Variants in NAE1 observed in about 807,000 individuals in gnomAD.
NAE1 encodes the protein NEDD8-activating enzyme E1 regulatory subunit.
A neutral mutation model predicts 88.0 loss-of-function variants in NAE1; 59 were observed. That is an observed-to-expected ratio of 0.67 (90% CI 0.54 to 0.83). The LOEUF (loss-of-function observed/expected upper bound fraction) is 0.83, where lower values mean the gene tolerates loss of function less well. NAE1 is among the 40% of genes least tolerant of loss of function. NAE1 has a pLI of 0.00. For synonymous variants in NAE1, 186 were observed against 208.9 expected, an observed-to-expected ratio of 0.89 and a Z score of 0.95; for missense variants, 554 against 632.8, an observed-to-expected ratio of 0.88 and a Z score of 1.34.
chr16:66,823,682 A>G (rs1234243666), intron 4 of NAE1, 82 bp from the exon 5 acceptor site: 27 of 1,095,356 alleles, frequency 2.5e-5, no homozygotes, highest in Non-Finnish European at 3.4e-5. Flanking sequence ...ACAGGCAAAC[A>G]TACTGTAAAA....
At chr16:66,808,860 A>G in intron 16 of NAE1, 129 bp downstream of exon 16, 5 of 653,922 alleles carry the variant, frequency 7.6e-6, no homozygotes, top group Non-Finnish European at 1.2e-5. Context: ...ATAAGCTTAG[A>G]ATAAAATTAG....
chr16:66,812,861 C>T (rs1282772409), intron 13 of NAE1, among the ~76,000 whole-genome samples: 4 of 135,342 alleles, frequency 3.0e-5, no homozygotes, highest in East Asian at 2.2e-4. Context: ...CTCACTCTGT[C>T]GCCCAGGCTG....
At chr16:66,821,680 T>C in intron 6 of NAE1, 121 bp from the exon 7 acceptor site, 5 of 759,792 alleles carry the variant, frequency 6.6e-6, no homozygotes, top group Non-Finnish European at 9.7e-6. Context: ...GATGCAAAGG[T>C]ACATAACTGC....
intron 1 of NAE1, among the ~76,000 whole-genome samples, chr16:66,830,599 C>T (rs967700925): frequency 3.3e-5 from 5 of 152,218 alleles, no homozygotes; most frequent in African/African-American, 4.8e-5. Context: ...CTTAGCTACC[C>T]GGCTGGCGCT....
chr16:66,825,659 C>T (rs16957040), intron 3 of NAE1, among the ~76,000 whole-genome samples: 2,918 of 152,146 alleles, frequency 0.019, 59 homozygotes, highest in Admixed American at 0.052. Flanking sequence ...AGACCACTCT[C>T]GGTGTATTGA....
intron 4 of NAE1, 41 bp from the exon 5 acceptor site, chr16:66,823,641 T>C (rs1050893093): frequency 2.0e-6 from 3 of 1,526,558 alleles, no homozygotes; most frequent in Admixed American, 4.1e-5. Context: ...TAGAAAAAAC[T>C]TGGTCACAAT....
chr16:66,808,468 A>G (rs1959660084), intron 17 of NAE1, 53 bp downstream of exon 17: 1 of 1,200,082 alleles, frequency 8.3e-7, no homozygotes, highest in Admixed American at 2.0e-5. Context: ...CTTTCAATTT[A>G]AATGTTTTAT....
chr16:66,821,304 G>C (rs538936836), intron 7 of NAE1, 146 bp downstream of exon 7: 149 of 1,024,042 alleles, frequency 1.5e-4, no homozygotes, highest in Non-Finnish European at 1.7e-4. Flanking sequence ...GCAGCCTATT[G>C]AATCTGATTG....
intron 17 of NAE1, among the ~76,000 whole-genome samples, chr16:66,806,695 G>T (rs940565595): frequency 6.6e-6 from 1 of 152,118 alleles, no homozygotes; most frequent in African/African-American, 2.4e-5. Context: ...TTACAGGTGT[G>T]AGCCACCATG....
intron 14 of NAE1, 123 bp downstream of exon 14, chr16:66,810,574 C>A: frequency 9.2e-7 from 1 of 1,086,966 alleles, no homozygotes; most frequent in Non-Finnish European, 1.4e-6. Context: ...TCCCATTAGG[C>A]AGGGAAATGA....
Position 66,826,298 on chromosome 16 carries a change from T to C in NAE1, c.218+225A>G, listed in dbSNP as rs900813085. The C allele has an allele frequency of 5.5e-6, 3 of 541,398 alleles. No individual in the cohort carries two copies. The African/African-American group carries it at 5.7e-5, about 10-fold the overall frequency. The allele number at this position is 541,398 out of a possible 1,614,324, so 33.5% of individuals were successfully genotyped here. On this transcript the variant is annotated intron_variant, in intron 3 of 19. Coordinates refer to ENST00000290810, the MANE Select transcript of NAE1 (RefSeq NM_003905.4). ...AATAAAGGAATAACGACTACTCCTT[T>C]GTATTAATAACAATAAAGACAGTAA...
At chr16:66,826,259 G>A in intron 3 of NAE1, 3 of 457,790 alleles carry the variant, frequency 6.6e-6, no homozygotes, top group East Asian at 8.1e-5. Flanking sequence ...CTTAGGAAGT[G>A]CCCATATTCC....
chr16:66,812,185 G>A lies in NAE1; in HGVS notation c.1034+1379C>T, dbSNP rs1023902687. Among the ~76,000 whole-genome samples the A allele has an allele frequency of 2.0e-5, 3 of 152,214 alleles. No homozygotes were observed. The East Asian group carries it at 5.8e-4, about 29-fold the overall frequency. ...TATAGGGCCATAGCTAAGCATACAGGCTCTGGTACTGGGTTTCCTGGGGTT... is the reference window on the plus strand; with the variant it reads ...TATAGGGCCATAGCTAAGCATACAGACTCTGGTACTGGGTTTCCTGGGGTT... On this transcript the variant is annotated intron_variant, in intron 13 of 19. Coordinates refer to ENST00000290810, the MANE Select transcript of NAE1 (RefSeq NM_003905.4).
chr16:66,803,893 G>A (rs934353125), intron 19 of NAE1, among the ~76,000 whole-genome samples: 1 of 152,032 alleles, frequency 6.6e-6, no homozygotes, highest in African/African-American at 2.4e-5. Flanking sequence ...GCGCTCAGCC[G>A]ACTGGATAGA....
intron 11 of NAE1, among the ~76,000 whole-genome samples, chr16:66,814,170 T>C (rs1959938637): frequency 6.6e-6 from 1 of 152,170 alleles, no homozygotes; most frequent in Non-Finnish European, 1.5e-5. Flanking sequence ...TCGCAGTATA[T>C]CATGATTTTC....
chr16:66,811,527 G>GA (rs980208979), intron 13 of NAE1, among the ~76,000 whole-genome samples: 5 of 149,438 alleles, frequency 3.3e-5, no homozygotes, highest in African/African-American at 4.9e-5. Flanking sequence ...ATTATGAGAG[G>GA]AAAAAAAAAC....
chr16:66,809,852 G>A (rs974905607), intron 15 of NAE1, among the ~76,000 whole-genome samples: 1 of 152,044 alleles, frequency 6.6e-6, no homozygotes, highest in East Asian at 1.9e-4. Flanking sequence ...CAACAGATTG[G>A]GTATTTTGAA....
chr16:66,805,576 T>C (rs1959530506), intron 19 of NAE1: 1 of 407,508 alleles, frequency 2.5e-6, no homozygotes, highest in African/African-American at 2.1e-5. Flanking sequence ...AGTTTGAGGT[T>C]GCAGCGAGCT....
chr16:66,822,406 A>G (rs1374643108), intron 6 of NAE1, among the ~76,000 whole-genome samples: 1 of 151,954 alleles, frequency 6.6e-6, no homozygotes, highest in Non-Finnish European at 1.5e-5. Context: ...CCCCGTCTCT[A>G]CTACAAATAC....
Sources: allele counts gnomAD v4.1 joint callset (sites outside exome capture counted in the v4.1 genomes callset), GRCh38; gene constraint gnomAD v4.1.1; transcripts MANE v1.5; gene names NCBI Gene and HGNC (gene_info 2026-07-23, HGNC 2026-07-21).